The following MCM6 variants were observed in gnomAD, a reference collection of about 807,000 sequenced individuals.
MCM6 encodes minichromosome maintenance complex component 6.
Under a neutral mutation model 94.3 loss-of-function variants are expected in MCM6, and 46 were observed. The ratio of observed to expected loss-of-function variants is 0.49; its 90% CI spans 0.39 to 0.62. The LOEUF is 0.62. Ranked by LOEUF, MCM6 falls within the 20% of genes least tolerant of loss-of-function variation. MCM6 has a pLI of 0.00. For missense variants in MCM6, 865 were observed against 1,017.9 expected (o/e 0.85, Z 2.04); for synonymous variants, 335 against 351.9 (o/e 0.95, Z 0.54).
intron 14 of MCM6, 101 bp downstream of exon 14, chr2:135,847,952 C>T (rs1679702230): frequency 1.2e-6 from 1 of 807,452 alleles, no homozygotes. Context: ...GTTTTGCTAC[C>T]ATAGACTATT....
chr2:135,874,970 C>T (rs1173127605), intron 1 of MCM6, among the ~76,000 whole-genome samples: 1 of 152,122 alleles, frequency 6.6e-6, no homozygotes, highest in East Asian at 1.9e-4. Flanking sequence ...CTAGAGTGGT[C>T]AAACTCATAA....
At chr2:135,854,435 CAGG>C (rs1183661648) in intron 11 of MCM6, among the ~76,000 whole-genome samples, 3 of 136,268 alleles carry the variant, frequency 2.2e-5, no homozygotes, top group Non-Finnish European at 3.0e-5. Flanking sequence ...GAGGCTGAGG[CAGG>C]AGAATTACTT....
At chr2:135,843,560 C>T (rs984375530) in intron 16 of MCM6, among the ~76,000 whole-genome samples, 2 of 151,658 alleles carry the variant, frequency 1.3e-5, no homozygotes, top group African/African-American at 4.8e-5. Context: ...TGGCAAAACC[C>T]CATCTCTACT....
chr2:135,852,101 G>A (rs4988232), intron 12 of MCM6, among the ~76,000 whole-genome samples: 4,483 of 152,010 alleles, frequency 0.029, 95 homozygotes, highest in East Asian at 0.061. Context: ...TTTTACACAA[G>A]AATCACCCAT....
chr2:135,872,745 T>C lies in MCM6; in HGVS notation c.206A>G (p.Glu69Gly), dbSNP rs373573044. ...GGTGGAAAGTTGCTGGTTAAATTGTTCCAGGTCCACAAAACTCACAACCAA... is the reference window on the plus strand; with the variant it reads ...GGTGGAAAGTTGCTGGTTAAATTGTCCCAGGTCCACAAAACTCACAACCAA... ...NTLVVSFVDL[E>G]QFNQQLSTTI... is the part of the protein sequence containing the mutation. The change falls in exon 2 of 17, where the codon GAA (glutamate) becomes GGA (glycine). Residue 69 changes from glutamate (E) to glycine (G), a missense_variant. Coordinates refer to ENST00000264156, the MANE Select transcript of MCM6 (RefSeq NM_005915.6). 1.4e-5 allele frequency: 23 copies of C among 1,614,060 alleles called. No individual in the cohort carries two copies. In the Admixed American group the frequency reaches 2.8e-4, roughly 20 times the overall value.
intron 11 of MCM6, among the ~76,000 whole-genome samples, chr2:135,854,529 CAAAAAA>C (rs1181597035): frequency 5.6e-4 from 28 of 49,974 alleles, no homozygotes; most frequent in African/African-American, 1.4e-3. Context: ...GACTCCATCT[CAAAAAA>C]AAAAAAAAAA....
intron 2 of MCM6, 48 bp from the exon 3 acceptor site, chr2:135,870,409 T>A: frequency 7.6e-7 from 1 of 1,316,766 alleles, no homozygotes; most frequent in Non-Finnish European, 1.1e-6. Context: ...TACCAAGGCC[T>A]CCTTCCCTTT....
chr2:135,843,470 C>T (rs1679609494), intron 16 of MCM6, among the ~76,000 whole-genome samples: 1 of 152,038 alleles, frequency 6.6e-6, no homozygotes, highest in African/African-American at 2.4e-5. Flanking sequence ...CGGTGGCTCA[C>T]GCCTGTAATC....
In MCM6 at chr2:135,865,083, T is replaced by C; in HGVS notation, c.1008A>G (p.Lys336=). ...TTTTATCTTGACTCATCTCAAACAC[T>C]TTCTCCCATTCTTTCACAGTCATTT... is the stretch of plus-strand genomic sequence containing the variant. ...KNQMTVKEWE[K]VFEMSQDKNL... is the part of the protein sequence containing the mutation. The change falls in exon 7 of 17, where the codon AAA becomes AAG. Residue 336 remains lysine, a synonymous_variant. Transcript: ENST00000264156. 6.3e-7 allele frequency: 1 copy of C among 1,584,064 alleles called. No homozygotes were observed.
rs932889986 is a variant in MCM6, at chr2:135,876,431, G to A, written c.-66C>T. ...CGCCACAAGTCGCTTTTTTCCAGAC[G>A]CTGCAGCTTTGCGCGCGCCGCCGCC... is the stretch of plus-strand genomic sequence containing the variant. On this transcript the variant is annotated 5_prime_UTR_variant, in exon 1 of 17. Transcript: ENST00000264156. 20 of 1,373,582 alleles carry A rather than the reference G, an allele frequency of 1.5e-5. No homozygotes were observed. Among genetic ancestry groups the A allele is most frequent in the Middle Eastern group, 3.7e-4 (2 of 5,418 alleles). The allele number at this position is 1,373,582 out of a possible 1,614,324, so 85.1% of individuals were successfully genotyped here.
chr2:135,872,086 T>C (rs1036658256), intron 2 of MCM6, among the ~76,000 whole-genome samples: 4 of 152,120 alleles, frequency 2.6e-5, no homozygotes, highest in East Asian at 1.9e-4. Context: ...AGTAAGTAAG[T>C]ACAGTTTTCC....
At position 135,848,183 on chromosome 2, in the gene MCM6, T is replaced by C. The variant is rs1679706288; in HGVS notation, c.1923A>G (p.Gln641=). 1 of 1,609,798 alleles carries C rather than the reference T, an allele frequency of 6.2e-7. No homozygotes were observed. Among genetic ancestry groups the C allele is most frequent in the South Asian group, 1.1e-5 (1 of 90,934 alleles). Residue 641 remains glutamine, a synonymous_variant, in exon 14 of 17, where the codon CAA becomes CAG. Coordinates refer to ENST00000264156, the MANE Select transcript of MCM6 (RefSeq NM_005915.6). The part of the protein sequence containing the change: ...MARMHCCDEV[Q]PKHVKEAFRL... Reference sequence around the variant, plus strand: ...GGAAAGCTTCCTTCACATGTTTAGGTTGGACCTAAACCAATAATGATGAAG... The same window carrying C: ...GGAAAGCTTCCTTCACATGTTTAGGCTGGACCTAAACCAATAATGATGAAG...
intron 15 of MCM6, 59 bp downstream of exon 15, chr2:135,846,178 T>C (rs908441515): frequency 1.3e-6 from 2 of 1,540,322 alleles, no homozygotes; most frequent in African/African-American, 1.4e-5. Flanking sequence ...ACAAGTGGCC[T>C]ATGTGAACAG....
At chr2:135,854,611 G>A (rs895722356) in intron 11 of MCM6, among the ~76,000 whole-genome samples, 1 of 150,274 alleles carries the variant, frequency 6.7e-6, no homozygotes, top group South Asian at 2.1e-4. Flanking sequence ...GGTGGCACAT[G>A]CCTATAATCC....
At chr2:135,843,812 A>C (rs1382186838) in intron 16 of MCM6, among the ~76,000 whole-genome samples, 1 of 152,030 alleles carries the variant, frequency 6.6e-6, no homozygotes, top group Non-Finnish European at 1.5e-5. Context: ...CCAGGAGGAT[A>C]CAGTGACTCA....
intron 12 of MCM6, among the ~76,000 whole-genome samples, chr2:135,852,533 C>CCAAAACTCTTCTCCCATA (rs1679796578): frequency 1.3e-5 from 2 of 152,178 alleles, no homozygotes; most frequent in African/African-American, 4.8e-5. Context: ...ATCCAGTTAT[C>CCAAAACTCTTCTCCCATA]CAAAACTCTT....
At chr2:135,842,501 T>C (rs1006466250) in intron 16 of MCM6, among the ~76,000 whole-genome samples, 20 of 152,210 alleles carry the variant, frequency 1.3e-4, no homozygotes, top group African/African-American at 4.8e-4. Flanking sequence ...GGTACCACTG[T>C]AGCTCCGGGG....
At chr2:135,856,158 G>T (rs1679885179) in intron 11 of MCM6, among the ~76,000 whole-genome samples, 1 of 151,970 alleles carries the variant, frequency 6.6e-6, no homozygotes, top group African/African-American at 2.4e-5. Flanking sequence ...AGTGTGGTTG[G>T]GGCCAGGTAC....
intron 9 of MCM6, among the ~76,000 whole-genome samples, chr2:135,859,045 C>A (rs1679941229): frequency 6.6e-6 from 1 of 152,128 alleles, no homozygotes; most frequent in Admixed American, 6.5e-5. Context: ...CACCCGCCAC[C>A]ATGCCCGGCT....
Sources: allele counts gnomAD v4.1 joint callset (sites outside exome capture counted in the v4.1 genomes callset), GRCh38; gene constraint gnomAD v4.1.1; transcripts MANE v1.5; gene names NCBI Gene and HGNC (gene_info 2026-07-23, HGNC 2026-07-21).